Variants in ADORA2A observed in about 807,000 individuals in gnomAD.
The protein encoded by ADORA2A is adenosine A2a receptor.
Under a neutral mutation model 18.4 loss-of-function variants are expected in ADORA2A, and 11 were observed. That is an observed-to-expected ratio of 0.60 (90% CI 0.38 to 0.99). The LOEUF (loss-of-function observed/expected upper bound fraction) is 0.99, where lower values mean the gene tolerates loss of function less well. Among genes scored for constraint, ADORA2A ranks in the 50% least tolerant of loss-of-function variants. The pLI is 0.01. For missense variants in ADORA2A, 449 were observed against 556.1 expected (o/e 0.81, Z 1.94); for synonymous variants, 218 against 237.3 (o/e 0.92, Z 0.75).
upstream of ADORA2A, chr22:24,423,760 C>T (rs2042885379): frequency 6.6e-6 from 1 of 152,110 alleles, no homozygotes; most frequent in Non-Finnish European, 1.5e-5. Context: ...CCTGCGGGAT[C>T]GTCCTTCCAG....
chr22:24,425,050 T>C (rs1363756532), upstream of ADORA2A, among the ~76,000 whole-genome samples: 1 of 152,118 alleles, frequency 6.6e-6, no homozygotes, highest in African/African-American at 2.4e-5. Flanking sequence ...TCTCTTGGGC[T>C]CTGCCACACA....
chr22:24,425,253 G>T (rs901778682), upstream of ADORA2A, among the ~76,000 whole-genome samples: 4 of 152,080 alleles, frequency 2.6e-5, no homozygotes, highest in Non-Finnish European at 4.4e-5. Flanking sequence ...AGCTGTTGCG[G>T]GGTCGGGGCT....
chr22:24,435,238 C>T (rs554905798), intron 2 of ADORA2A, among the ~76,000 whole-genome samples: 305 of 152,308 alleles, frequency 2.0e-3, no homozygotes, highest in Non-Finnish European at 3.5e-3. Context: ...CATTGCTCTG[C>T]GACGGGCAGA....
Position 24,428,076 on chromosome 22 carries a change from G to A in ADORA2A, c.-275+330G>A, listed in dbSNP as rs142188811. On this transcript the variant is annotated intron_variant, in intron 1 of 2. Transcript: ENST00000337539. ...TAAGGGCCACCGGGCAGCCCCGGAG[G>A]TCAGGAGGGAAGTGGAGCCCGTGCT... Among the ~76,000 whole-genome samples, 1,468 of 152,354 alleles carry A rather than the reference G, an allele frequency of 9.6e-3. 15 individuals are homozygous for A. The highest frequency in any genetic ancestry group is 0.017 in the Non-Finnish European group (1,125 of 68,030).
intron 2 of ADORA2A, among the ~76,000 whole-genome samples, chr22:24,436,250 G>A (rs1310462194): frequency 3.3e-5 from 5 of 152,100 alleles, no homozygotes; most frequent in South Asian, 2.1e-4. Flanking sequence ...ACTCCTGGCC[G>A]GCGCTGGAGT....
At chr22:24,425,159 TC>T (rs1347522927), upstream of ADORA2A, among the ~76,000 whole-genome samples, 1 of 151,576 alleles carries the variant, frequency 6.6e-6, no homozygotes, top group African/African-American at 2.4e-5. Context: ...CTGCCGATAC[TC>T]CATGACGCGC....
intron 1 of ADORA2A, chr22:24,430,827 G>A (rs2043013468): frequency 1.2e-5 from 4 of 337,594 alleles, no homozygotes; most frequent in South Asian, 6.9e-5. Flanking sequence ...AGAGAGGGCC[G>A]TGGTGGGAGG....
chr22:24,425,686 A>G (rs543175269), upstream of ADORA2A, among the ~76,000 whole-genome samples: 1 of 152,350 alleles, frequency 6.6e-6, no homozygotes, highest in East Asian at 1.9e-4. Flanking sequence ...TGTGAATTAC[A>G]GATCCCCAAA....
At chr22:24,430,074 A>ACTC (rs1221593878) in intron 1 of ADORA2A, 1 of 151,976 alleles carries the variant, frequency 6.6e-6, no homozygotes, top group Non-Finnish European at 1.5e-5. Flanking sequence ...CAATGAATGC[A>ACTC]CTCCTCTTCC....
upstream of ADORA2A, among the ~76,000 whole-genome samples, chr22:24,426,735 G>C (rs1333375766): frequency 2.6e-5 from 4 of 152,168 alleles, no homozygotes; most frequent in African/African-American, 4.8e-5. Context: ...GTGGAGAGAG[G>C]AGCAGCAGAG....
At chr22:24,435,720 GT>G (rs1568948766) in intron 2 of ADORA2A, among the ~76,000 whole-genome samples, 2 of 152,150 alleles carry the variant, frequency 1.3e-5, no homozygotes, top group African/African-American at 4.8e-5. Flanking sequence ...GGTTGGAGGC[GT>G]GGGGAGGGTG....
At chr22:24,435,964 G>C (rs555400384) in intron 2 of ADORA2A, among the ~76,000 whole-genome samples, 1 of 152,360 alleles carries the variant, frequency 6.6e-6, no homozygotes, top group East Asian at 1.9e-4. Context: ...GTTGCCAAAG[G>C]ATGTCAGCTC....
chr22:24,427,121 G>T (rs1261452476), upstream of ADORA2A, among the ~76,000 whole-genome samples: 2 of 152,198 alleles, frequency 1.3e-5, no homozygotes, highest in Admixed American at 6.5e-5. Context: ...ATCTGGGCAG[G>T]AGACTTCTCC....
chr22:24,435,374 T>C (rs2043148918), intron 2 of ADORA2A, among the ~76,000 whole-genome samples: 1 of 152,234 alleles, frequency 6.6e-6, no homozygotes, highest in African/African-American at 2.4e-5. Flanking sequence ...AAGCTGAGTC[T>C]GCACACTGAT....
upstream of ADORA2A, among the ~76,000 whole-genome samples, chr22:24,426,898 A>G (rs955528028): frequency 1.3e-5 from 2 of 152,086 alleles, no homozygotes; most frequent in African/African-American, 4.8e-5. Flanking sequence ...GTGAGTTGCC[A>G]TGGGGATTCT....
Position 24,440,826 on chromosome 22 carries a change from C to T in ADORA2A, c.576C>T (p.Leu192=). 1 of 1,614,206 alleles carries T rather than the reference C, an allele frequency of 6.2e-7. No homozygotes were observed. Among genetic ancestry groups the T allele is most frequent in the South Asian group, 1.1e-5 (1 of 91,084 alleles). Residue 192 remains leucine, a synonymous_variant, in exon 3 of 3, where the codon CTC becomes CTT. Coordinates refer to ENST00000337539, the MANE Select transcript of ADORA2A (RefSeq NM_000675.6). ...CCTGTGTGCTGGTGCCCCTGCTGCT[C>T]ATGCTGGGTGTCTATTTGCGGATCT... is the stretch of plus-strand genomic sequence containing the variant. ...FFACVLVPLL[L]MLGVYLRIFL...
intron 1 of ADORA2A, among the ~76,000 whole-genome samples, chr22:24,428,692 A>T (rs915241653): frequency 6.6e-6 from 1 of 152,098 alleles, no homozygotes; most frequent in Non-Finnish European, 1.5e-5. Context: ...TAGCCTTCAT[A>T]TACCTCTTGC....
upstream of ADORA2A, among the ~76,000 whole-genome samples, chr22:24,426,608 C>G (rs2042921158): frequency 6.6e-6 from 1 of 152,110 alleles, no homozygotes; most frequent in South Asian, 2.1e-4. Flanking sequence ...CAACTGCCCA[C>G]ATCCTGTGCA....
Position 24,435,719 on chromosome 22 carries a change from C to T in ADORA2A, c.332+1983C>T, listed in dbSNP as rs1037834353. 8.5e-5 allele frequency among the ~76,000 whole-genome samples: 13 copies of T among 152,140 alleles called. No homozygotes were observed. The South Asian group carries it at 2.3e-3, about 27-fold the overall frequency. ...CAGGGACCCTGAGGAGGGTTGGAGGCGTGGGGAGGGTGGGGATTCAGATCT... is the reference window on the plus strand; with the variant it reads ...CAGGGACCCTGAGGAGGGTTGGAGGTGTGGGGAGGGTGGGGATTCAGATCT... On this transcript the variant is annotated intron_variant, in intron 2 of 2. Coordinates refer to ENST00000337539, the MANE Select transcript of ADORA2A (RefSeq NM_000675.6).
Sources: allele counts gnomAD v4.1 joint callset (sites outside exome capture counted in the v4.1 genomes callset), GRCh38; gene constraint gnomAD v4.1.1; transcripts MANE v1.5; gene names NCBI Gene and HGNC (gene_info 2026-07-23, HGNC 2026-07-21).